The following ADAM33 variants were observed in gnomAD, a reference collection of about 807,000 sequenced individuals.
The protein encoded by ADAM33 is ADAM metallopeptidase domain 33, also known as disintegrin and metalloproteinase domain-containing protein 33.
Under a neutral mutation model 106.2 loss-of-function variants are expected in ADAM33, and 103 were observed. That is an observed-to-expected ratio of 0.97 (90% CI 0.83 to 1.14). The LOEUF is 1.14. ADAM33 is among the 50% of genes most tolerant of loss of function. The pLI is 0.00. For missense variants in ADAM33, 1,120 were observed against 1,096.6 expected (o/e 1.02, Z -0.30); for synonymous variants, 483 against 453.0 (o/e 1.07, Z -0.84).
In ADAM33 at chr20:3,679,593, G is replaced by T. The variant is rs756906262; in HGVS notation, c.98-22C>A. The T allele has an allele frequency of 6.3e-6, 10 of 1,592,080 alleles. No individual in the cohort carries two copies. In the African/African-American group the frequency reaches 1.3e-4, roughly 21 times the overall value. ...TGTCCTGGAGTAAAGACAGAGCACA[G>T]GGTGAGGGGGACCTGAGGAACACAG... On this transcript the variant is annotated intron_variant, in intron 1 of 21. Transcript: ENST00000356518.
In ADAM33 at chr20:3,671,436, C is replaced by T. The variant is rs1196909912; in HGVS notation, c.1966G>A (p.Ala656Thr). The T allele has an allele frequency of 6.2e-7, 1 of 1,612,478 alleles. No individual in the cohort carries two copies. Among genetic ancestry groups the T allele is most frequent in the Non-Finnish European group, 8.5e-7 (1 of 1,179,250 alleles). The change falls in exon 17 of 22, where the codon GCC becomes ACC. Residue 656 changes from alanine to threonine, a missense_variant. Transcript: ENST00000356518. ...GCTCTCACCCCGTGGCTGTGGCAGG[C>T]AGTCAGGCAGCGCTGAAGCTCCTGG... ...AFQELQRCLTACHSHGVCNSN... is the reference protein window; with the variant it reads ...AFQELQRCLTTCHSHGVCNSN...
intron 11 of ADAM33, 86 bp from the exon 12 acceptor site, chr20:3,672,984 C>G: frequency 6.9e-7 from 1 of 1,444,550 alleles, no homozygotes; most frequent in South Asian, 1.5e-5. Context: ...GGCTTGGCTA[C>G]AGCCGCCAGA....
chr20:3,678,078 G>A (rs1158523654), intron 2 of ADAM33, among the ~76,000 whole-genome samples: 1 of 152,248 alleles, frequency 6.6e-6, no homozygotes, highest in African/African-American at 2.4e-5. Context: ...CTGGCCACAG[G>A]CCCCACAAGG....
rs1339275201 is a variant in ADAM33, at chr20:3,672,877, G to A, written c.1155C>T (p.Phe385=). 6.3e-7 allele frequency: 1 copy of A among 1,575,844 alleles called. No homozygotes were observed. The highest frequency in any genetic ancestry group is 1.4e-5 in the African/African-American group (1 of 73,804). ...GCAGCTGGCGGCGGCTGCAGGCGCT[G>A]AACACGCGCGGAAACGGGTGCCTAC... ...AATGHPFPRV[F]SACSRRQLRA... The change falls in exon 12 of 22, where the codon TTC becomes TTT. Residue 385 remains phenylalanine (F), a synonymous_variant. Coordinates refer to ENST00000356518, the MANE Select transcript of ADAM33 (RefSeq NM_025220.5).
Position 3,672,642 on chromosome 20 carries a change from C to G in ADAM33, c.1312-16G>C. The stretch of plus-strand genomic sequence containing the variant: ...CGCGGCACTCCTGGGACCAGAAAGG[C>G]AAGAAGGGCCCAGGTGAGGGCGCAG... On this transcript the variant is annotated splice_polypyrimidine_tract_variant and intron_variant, in intron 12 of 21. Transcript: ENST00000356518. The G allele has an allele frequency of 6.2e-7, 1 of 1,612,990 alleles. No individual in the cohort carries two copies.
At position 3,673,111 on chromosome 20, in the gene ADAM33, C is replaced by T. The variant is rs1232190866; in HGVS notation, c.1134-213G>A. On this transcript the variant is annotated intron_variant, in intron 11 of 21. Coordinates refer to ENST00000356518, the MANE Select transcript of ADAM33 (RefSeq NM_025220.5). Reference sequence around the variant, plus strand: ...GACCCAAGGTGGAATCGCGACCCGACGGTGCTCCTCCCGGTGTAGGAGTAA... The same window carrying T: ...GACCCAAGGTGGAATCGCGACCCGATGGTGCTCCTCCCGGTGTAGGAGTAA... 12 of 1,455,646 alleles carry T rather than the reference C, an allele frequency of 8.2e-6. 1 individual carries two copies. The South Asian group carries it at 1.0e-4, about 12-fold the overall frequency. 90.2% of individuals were successfully genotyped at this position (1,455,646 alleles called of 1,614,324 possible). A position where few individuals can be genotyped will look rare whatever the true frequency, so the allele number is the denominator to read the frequency against.
At position 3,674,538 on chromosome 20, in the gene ADAM33, C is replaced by T. The variant is rs1269532429; in HGVS notation, c.566G>A (p.Gly189Asp). ...CGHRDPGNKA[G>D]MTSLPGGPQS... ...GGGACCACCAGGAAGGCTGGTCATG[C>T]CCGCTTTGTTCCCAGGATCCCTGTG... The change falls in exon 6 of 22, where the codon GGC (glycine) becomes GAC (aspartate). Residue 189 changes from glycine to aspartate, a missense_variant. Gly to Asp is a moderately conservative substitution (Grantham distance 94). Transcript: ENST00000356518. 6.2e-7 allele frequency: 1 copy of T among 1,613,474 alleles called. No homozygotes were observed. The highest frequency in any genetic ancestry group is 8.5e-7 in the Non-Finnish European group (1 of 1,179,952).
chr20:3,673,740 C>A lies in ADAM33; in HGVS notation c.905+5G>T, dbSNP rs369469795. ...GGGACCCGCGTCCGGGTCAGAGGCA[C>A]CCACGTGAGCAGCTGCGCGGAGTCG... On this transcript the variant is annotated splice_donor_5th_base_variant and intron_variant, in intron 9 of 21. Transcript: ENST00000356518. 1,990 of 1,484,704 alleles carry A rather than the reference C, an allele frequency of 1.3e-3. 3 individuals are homozygous for A. The highest frequency in any genetic ancestry group is 1.4e-3 in the Non-Finnish European group (1,586 of 1,122,580). The allele number at this position is 1,484,704 out of a possible 1,614,324, so 92.0% of individuals were successfully genotyped here.
In ADAM33 at chr20:3,668,922, G is replaced by A. The variant is rs977556963; in HGVS notation, c.*41C>T. ...TCAAGTTCCTGGAGTGGCTGTCAGTGGCCACCTGTCTTTAAATCTGTTCAT... is the reference window on the plus strand; with the variant it reads ...TCAAGTTCCTGGAGTGGCTGTCAGTAGCCACCTGTCTTTAAATCTGTTCAT... On this transcript the variant is annotated 3_prime_UTR_variant, in exon 22 of 22. Coordinates refer to ENST00000356518, the MANE Select transcript of ADAM33 (RefSeq NM_025220.5). 9 of 1,610,464 alleles carry A rather than the reference G, an allele frequency of 5.6e-6. No homozygotes were observed. The highest frequency in any genetic ancestry group is 1.3e-5 in the African/African-American group (1 of 74,960).
At chr20:3,672,675 G>A (rs771269611) in intron 12 of ADAM33, 46 bp downstream of exon 12, 24 of 1,606,810 alleles carry the variant, frequency 1.5e-5, no homozygotes, top group Non-Finnish European at 2.0e-5. Context: ...CAGCGCCCCA[G>A]ACCTGAGCGG....
chr20:3,668,689 A>G lies in ADAM33; in HGVS notation c.*274T>C. ...ACTACCCAGCCTCCACTGGTGAGGGAGGTCAGGGGCTGTGTGACCTTTGCT... is the reference window on the plus strand; with the variant it reads ...ACTACCCAGCCTCCACTGGTGAGGGGGGTCAGGGGCTGTGTGACCTTTGCT... On this transcript the variant is annotated 3_prime_UTR_variant, in exon 22 of 22. Transcript: ENST00000356518. 1 of 488,160 alleles carries G rather than the reference A, an allele frequency of 2.0e-6. No individual in the cohort carries two copies. Among genetic ancestry groups the G allele is most frequent in the Non-Finnish European group, 3.7e-6 (1 of 266,938 alleles). 30.2% of individuals were successfully genotyped at this position (488,160 alleles called of 1,614,324 possible).
intron 11 of ADAM33, 169 bp from the exon 12 acceptor site, chr20:3,673,067 C>T (rs2087661790): frequency 1.4e-6 from 2 of 1,444,414 alleles, no homozygotes; most frequent in East Asian, 2.5e-5. Context: ...CGATGCGGCC[C>T]CAATAGTGAG....
intron 9 of ADAM33, 36 bp from the exon 10 acceptor site, chr20:3,673,694 G>A (rs981570239): frequency 7.3e-7 from 1 of 1,360,596 alleles, no homozygotes; most frequent in African/African-American, 1.5e-5. Context: ...GGCGGGGCCG[G>A]GAGGTGAGGC....
rs376639684 is a variant in ADAM33 at position 3,677,046 on chromosome 20, C to G, written c.254+21G>C. On this transcript the variant is annotated intron_variant, in intron 3 of 21. Coordinates refer to ENST00000356518, the MANE Select transcript of ADAM33 (RefSeq NM_025220.5). The stretch of plus-strand genomic sequence containing the variant: ...CAACACTGATCCCCTCCTCCCAGCC[C>G]TACCCCAGCCTGGCACTCACTGGTT... The G allele has an allele frequency of 1.6e-5, 25 of 1,611,514 alleles. No homozygotes were observed. The African/African-American group carries it at 3.3e-4, about 22-fold the overall frequency.
chr20:3,671,294 A>C lies in ADAM33; in HGVS notation c.2035T>G (p.Phe679Val). The change falls in exon 18 of 22, where the codon TTC (phenylalanine) becomes GTC (valine). Residue 679 changes from phenylalanine (F) to valine (V), a missense_variant. Phe to Val is a conservative substitution (Grantham distance 50, BLOSUM62 -1). Coordinates refer to ENST00000356518, the MANE Select transcript of ADAM33 (RefSeq NM_025220.5). ...CCACCAAAGCCTGGCTTGTCACAGA[A>C]GGGTGGAGCCCAGCCTGGAGCACAG... is the stretch of plus-strand genomic sequence containing the variant. ...CHCAPGWAPP[F>V]CDKPGFGGSM... is the part of the protein sequence containing the mutation. 1 of 1,613,742 alleles carries C rather than the reference A, an allele frequency of 6.2e-7. No homozygotes were observed. The highest frequency in any genetic ancestry group is 8.5e-7 in the Non-Finnish European group (1 of 1,179,990).
Position 3,674,292 on chromosome 20 carries a change from G to T in ADAM33, c.601-8C>A. The T allele has an allele frequency of 2.5e-6, 4 of 1,613,780 alleles. No individual in the cohort carries two copies. In the East Asian group the frequency reaches 8.9e-5, roughly 36 times the overall value. On this transcript the variant is annotated splice_polypyrimidine_tract_variant and splice_region_variant and intron_variant, in intron 6 of 21. Coordinates refer to ENST00000356518, the MANE Select transcript of ADAM33 (RefSeq NM_025220.5). ...GCGCGCTTCTCGCCTGCCCTGCGGA[G>T]GTGCAAATGGGGACCCTGAGTGGAA...
chr20:3,674,567 A>C lies in ADAM33; in HGVS notation c.537T>G (p.Cys179Trp). 6.2e-7 allele frequency: 1 copy of C among 1,613,602 alleles called. No individual in the cohort carries two copies. The highest frequency in any genetic ancestry group is 1.3e-5 in the African/African-American group (1 of 75,018). Residue 179 changes from cysteine (C) to tryptophan (W), a missense_variant, in exon 6 of 22, where the codon TGT becomes TGG. Physicochemically the swap from Cys to Trp is radical, Grantham distance 215. Coordinates refer to ENST00000356518, the MANE Select transcript of ADAM33 (RefSeq NM_025220.5). ...MEQLLTWKGT[C>W]GHRDPGNKAG... ...CTTTGTTCCCAGGATCCCTGTGGCC[A>C]CAGGTTCCTTTCCAGGTGAGCAGCT...
rs2087717068 is a variant in ADAM33, at chr20:3,673,599, G to GTGCTCA, written c.964_965insTGAGCA (p.Ala322delinsValSerThr). 1.5e-6 allele frequency: 2 copies of GTGCTCA among 1,371,320 alleles called. No individual in the cohort carries two copies. Among genetic ancestry groups the GTGCTCA allele is most frequent in the Non-Finnish European group, 1.9e-6 (2 of 1,069,906 alleles). The allele number at this position is 1,371,320 out of a possible 1,614,324, so 84.9% of individuals were successfully genotyped here. ...CGTGCTCACGCCTCCCGAGCTCTCG[G>GTGCTCA]CGCGGCACATGCCCTCGACGGGCGC... is the stretch of plus-strand genomic sequence containing the variant. On this transcript the variant is annotated protein_altering_variant, in exon 10 of 22. Coordinates refer to ENST00000356518, the MANE Select transcript of ADAM33 (RefSeq NM_025220.5).
chr20:3,668,115 T>G lies in ADAM33; in HGVS notation c.*848A>C, dbSNP rs1057464329. On this transcript the variant is annotated 3_prime_UTR_variant, in exon 22 of 22. Transcript: ENST00000356518. ...CTTCAGCCTCCTGAGCAGCTAGGCC[T>G]ACAGGTACACACCACCACGCCCAGC... 2 of 152,542 alleles carry G rather than the reference T, an allele frequency of 1.3e-5. No individual in the cohort carries two copies. Among genetic ancestry groups the G allele is most frequent in the African/African-American group, 4.8e-5 (2 of 41,442 alleles). The allele number at this position is 152,542 out of a possible 1,614,324, so 9.4% of individuals were successfully genotyped here.
Sources: allele counts gnomAD v4.1 joint callset (sites outside exome capture counted in the v4.1 genomes callset), GRCh38; gene constraint gnomAD v4.1.1; transcripts MANE v1.5; gene names NCBI Gene and HGNC (gene_info 2026-07-23, HGNC 2026-07-21).